The following FNDC3A variants were observed in gnomAD, a reference collection of about 807,000 sequenced individuals.
FNDC3A encodes fibronectin type-III domain-containing protein 3A.
In FNDC3A, 32 loss-of-function variants were observed where a neutral mutation model predicts 148.9. That is an observed-to-expected ratio of 0.21 (90% CI 0.16 to 0.29). FNDC3A has a LOEUF of 0.29. FNDC3A is among the 10% of genes least tolerant of loss of function. The probability of loss-of-function intolerance (pLI) is 1.00; values close to 1 mark genes in which losing one functional copy is unlikely to be tolerated. For missense variants in FNDC3A, 1,191 were observed against 1,452.8 expected (o/e 0.82, Z 2.93); for synonymous variants, 472 against 473.6 (o/e 1.00, Z 0.04).
chr13:49,149,536 G>A (rs1883173123), intron 8 of FNDC3A, among the ~76,000 whole-genome samples: 2 of 152,150 alleles, frequency 1.3e-5, no homozygotes, highest in African/African-American at 4.8e-5. Flanking sequence ...TGCATCCCTG[G>A]TATAAATCCC....
At chr13:49,187,621 C>G in intron 16 of FNDC3A, 1 of 1,603,706 alleles carries the variant, frequency 6.2e-7, no homozygotes. Flanking sequence ...CTCACAGTGG[C>G]TCCTACGGAC....
At chr13:48,982,252 AT>A (rs953966828) in intron 1 of FNDC3A, among the ~76,000 whole-genome samples, 8 of 151,766 alleles carry the variant, frequency 5.3e-5, no homozygotes, top group East Asian at 3.9e-4. Flanking sequence ...AATTTTCTAA[AT>A]TTTTTTTGTT....
intron 2 of FNDC3A, among the ~76,000 whole-genome samples, chr13:49,064,411 C>CCCCCCA (rs1555286179): frequency 5.6e-5 from 5 of 90,056 alleles, no homozygotes; most frequent in Non-Finnish European, 8.5e-5. Flanking sequence ...GCCCCCCCCC[C>CCCCCCA]AAAAAAAAAA....
upstream of FNDC3A, chr13:48,975,871 G>T (rs1332382401): frequency 6.6e-6 from 1 of 151,234 alleles, no homozygotes; most frequent in Non-Finnish European, 1.5e-5. Flanking sequence ...CGTCGGCGGG[G>T]CCCGCGCAGC....
At chr13:49,114,626 T>C (rs776225001) in intron 3 of FNDC3A, 29 bp from the exon 4 acceptor site, 1 of 1,501,066 alleles carries the variant, frequency 6.7e-7, no homozygotes, top group East Asian at 2.3e-5. Flanking sequence ...CAATCATGGG[T>C]TAATACATCA....
chr13:49,065,364 A>G (rs976373163), intron 2 of FNDC3A, among the ~76,000 whole-genome samples: 2 of 152,220 alleles, frequency 1.3e-5, no homozygotes, highest in African/African-American at 4.8e-5. Flanking sequence ...GCCCAGAGTT[A>G]GTATTGAGGA....
chr13:49,197,628 A>C, intron 20 of FNDC3A, 97 bp from the exon 21 acceptor site: 1 of 944,836 alleles, frequency 1.1e-6, no homozygotes, highest in Non-Finnish European at 1.6e-6. Flanking sequence ...CTCAAAAGCA[A>C]TCTAGTTTTA....
At chr13:49,089,973 G>A (rs1879076807) in intron 3 of FNDC3A, among the ~76,000 whole-genome samples, 1 of 152,162 alleles carries the variant, frequency 6.6e-6, no homozygotes, top group African/African-American at 2.4e-5. Context: ...GGTTATACAA[G>A]TGGCCTAGGT....
intron 7 of FNDC3A, among the ~76,000 whole-genome samples, chr13:49,144,884 G>A (rs1440827890): frequency 2.6e-5 from 4 of 151,972 alleles, no homozygotes; most frequent in Non-Finnish European, 4.4e-5. Context: ...CTCCTATTAC[G>A]TAGCACCTGT....
chr13:49,112,429 C>A (rs986199156), intron 3 of FNDC3A, among the ~76,000 whole-genome samples: 9 of 152,138 alleles, frequency 5.9e-5, no homozygotes, highest in African/African-American at 1.7e-4. Context: ...TGAAGCTTTT[C>A]TGCCTAGAGG....
intron 3 of FNDC3A, 148 bp downstream of exon 3, chr13:49,075,512 A>G (rs1878035788): frequency 1.8e-6 from 1 of 548,774 alleles, no homozygotes; most frequent in Non-Finnish European, 3.3e-6. Context: ...GCATTTAAGT[A>G]TTGCAGTGTC....
chr13:49,041,535 G>A (rs191314101), intron 2 of FNDC3A, among the ~76,000 whole-genome samples: 263 of 152,274 alleles, frequency 1.7e-3, no homozygotes, highest in African/African-American at 6.2e-3. Context: ...TATTGGCTAG[G>A]CACAGTGGCT....
At chr13:49,068,184 A>C (rs1877394147) in intron 2 of FNDC3A, among the ~76,000 whole-genome samples, 1 of 139,126 alleles carries the variant, frequency 7.2e-6, no homozygotes, top group Non-Finnish European at 1.6e-5. Context: ...AAAAAAAAAA[A>C]AAAGTGTGTA....
intron 2 of FNDC3A, among the ~76,000 whole-genome samples, chr13:49,068,988 T>C (rs1877461582): frequency 6.6e-6 from 1 of 152,038 alleles, no homozygotes; most frequent in South Asian, 2.1e-4. Context: ...AAATAATACA[T>C]ACAACAAACC....
intron 5 of FNDC3A, among the ~76,000 whole-genome samples, chr13:49,134,801 C>CTT (rs528015993): frequency 1.6e-4 from 1 of 6,196 alleles, no homozygotes; most frequent in African/African-American, 9.0e-4. Flanking sequence ...TTTTCTTTTC[C>CTT]TTTTTTTTTT....
intron 2 of FNDC3A, among the ~76,000 whole-genome samples, chr13:49,067,347 G>A (rs1165176634): frequency 6.6e-6 from 1 of 152,122 alleles, no homozygotes; most frequent in Non-Finnish European, 1.5e-5. Flanking sequence ...TAATTTCCCT[G>A]TTTATCCTTC....
intron 3 of FNDC3A, among the ~76,000 whole-genome samples, chr13:49,100,884 T>C (rs1035465484): frequency 1.3e-5 from 2 of 152,116 alleles, no homozygotes; most frequent in Admixed American, 1.3e-4. Context: ...ATCCAAAATA[T>C]ATTTGGCCTT....
chr13:49,116,201 G>A (rs1880947204), intron 4 of FNDC3A, among the ~76,000 whole-genome samples: 1 of 152,088 alleles, frequency 6.6e-6, no homozygotes, highest in Non-Finnish European at 1.5e-5. Context: ...TTCATCGTGA[G>A]CTCTGAAAGC....
chr13:48,991,090 G>C (rs147746844), intron 1 of FNDC3A, among the ~76,000 whole-genome samples: 1 of 152,224 alleles, frequency 6.6e-6, no homozygotes, highest in Non-Finnish European at 1.5e-5. Flanking sequence ...AAATCCAGTC[G>C]TATCAACAAT....
Sources: gnomAD v4.1 joint callset for allele counts (sites outside exome capture counted in the v4.1 genomes callset) on GRCh38, gnomAD v4.1.1 for gene constraint, MANE v1.5 for transcripts, NCBI Gene and HGNC (gene_info 2026-07-23, HGNC 2026-07-21) for gene names.